Variants in PCDHAC2 observed in about 807,000 individuals in gnomAD.
PCDHAC2 encodes protocadherin alpha-C2.
Under a neutral mutation model 63.3 loss-of-function variants are expected in PCDHAC2, and 24 were observed. That is an observed-to-expected ratio of 0.38 (90% CI 0.27 to 0.53). PCDHAC2 has a LOEUF of 0.53. PCDHAC2 is among the 20% of genes least tolerant of loss of function. The pLI is 0.81. For synonymous variants in PCDHAC2, 569 were observed against 529.4 expected, an observed-to-expected ratio of 1.07 and a Z score of -1.03; for missense variants, 1,181 against 1,275.2, an observed-to-expected ratio of 0.93 and a Z score of 1.12.
chr5:140,988,268 G>A (rs1463795699), intron 3 of PCDHAC2, among the ~76,000 whole-genome samples: 3 of 152,160 alleles, frequency 2.0e-5, no homozygotes, highest in Non-Finnish European at 4.4e-5. Context: ...AGTATCCTTC[G>A]CTGTCACCTG....
intron 1 of PCDHAC2, among the ~76,000 whole-genome samples, chr5:140,977,512 G>GAAACTTGA: frequency 3.9e-5 from 6 of 152,278 alleles, no homozygotes; most frequent in Admixed American, 3.9e-4. Context: ...AGCATTTTGT[G>GAAACTTGA]AACTTGAAAA....
chr5:140,997,334 C>G (rs2097767888), intron 3 of PCDHAC2, among the ~76,000 whole-genome samples: 3 of 152,098 alleles, frequency 2.0e-5, no homozygotes, highest in Admixed American at 2.0e-4. Flanking sequence ...TTTCGTTGTA[C>G]AAATATCATA....
chr5:140,977,841 A>G lies in PCDHAC2; in HGVS notation c.2566-1108A>G, dbSNP rs76111417. On this transcript the variant is annotated intron_variant, in intron 1 of 3. Transcript: ENST00000289269. The stretch of plus-strand genomic sequence containing the variant: ...TTTTGAATGGTCTATTGATATTACT[A>G]TGGCTTTGTTTCTACCAAATATGGT... Among the ~76,000 whole-genome samples the G allele has an allele frequency of 8.3e-3, 1,257 of 152,348 alleles. 23 individuals carry two copies. Among genetic ancestry groups the G allele is most frequent in the African/African-American group, 0.028 (1,184 of 41,574 alleles).
chr5:141,000,015 G>A (rs960608216), intron 3 of PCDHAC2, among the ~76,000 whole-genome samples: 8 of 151,984 alleles, frequency 5.3e-5, no homozygotes, highest in Non-Finnish European at 5.9e-5. Flanking sequence ...CCTCCCCATT[G>A]CTAAGCCTGA....
chr5:141,007,079 TAGAGA>T (rs1308407580), intron 3 of PCDHAC2, among the ~76,000 whole-genome samples: 1 of 151,804 alleles, frequency 6.6e-6, no homozygotes, highest in African/African-American at 2.4e-5. Flanking sequence ...GAAGAGAAAA[TAGAGA>T]AGAGAGTCTA....
intron 3 of PCDHAC2, among the ~76,000 whole-genome samples, chr5:140,998,381 G>A (rs932010146): frequency 4.6e-5 from 7 of 152,144 alleles, no homozygotes; most frequent in Non-Finnish European, 2.9e-5. Flanking sequence ...TCTCTAGAAA[G>A]TTTAATGCCA....
intron 3 of PCDHAC2, among the ~76,000 whole-genome samples, chr5:140,983,637 T>G (rs1306208906): frequency 6.6e-6 from 1 of 152,232 alleles, no homozygotes; most frequent in Non-Finnish European, 1.5e-5. Context: ...TGTACCCAAG[T>G]TCACGTAGCT....
In PCDHAC2 at chr5:140,967,952, C is replaced by T. The variant is rs562783714; in HGVS notation, c.1186C>T (p.Pro396Ser). ...VLSVNDQDSG[P>S]NRKVSLGLEA... ...CAGTGTCAATGACCAAGACTCAGGC[C>T]CCAACCGGAAAGTGAGCCTGGGTCT... is the stretch of plus-strand genomic sequence containing the variant. Residue 396 changes from proline to serine, a missense_variant, in exon 1 of 4, where the codon CCC (proline) becomes TCC (serine). This residue lies in a region of PCDHAC2 where 968 missense variants were observed against 1,073.5 expected (regional missense o/e 0.90). Coordinates refer to ENST00000289269, the MANE Select transcript of PCDHAC2 (RefSeq NM_018899.6). The T allele has an allele frequency of 3.1e-6, 5 of 1,614,176 alleles. No individual in the cohort carries two copies. In the African/African-American group the frequency reaches 6.7e-5, roughly 22 times the overall value.
intron 3 of PCDHAC2, among the ~76,000 whole-genome samples, chr5:141,000,228 G>C (rs994042672): frequency 3.3e-5 from 5 of 151,306 alleles, no homozygotes; most frequent in Non-Finnish European, 2.9e-5. Context: ...CCTGTGTGGA[G>C]CTGAATGTGG....
At position 141,012,270 on chromosome 5, in the gene PCDHAC2, G is replaced by A. The variant is rs782033901; in HGVS notation, c.*2333G>A. On this transcript the variant is annotated 3_prime_UTR_variant, in exon 4 of 4. Coordinates refer to ENST00000289269, the MANE Select transcript of PCDHAC2 (RefSeq NM_018899.6). ...TATTACAGCTGTAAGGATAAAACAC[G>A]TCATGTGGATTCATTTTGAATTGGT... is the stretch of plus-strand genomic sequence containing the variant. 4 of 153,734 alleles carry A rather than the reference G, an allele frequency of 2.6e-5. No individual in the cohort carries two copies. The highest frequency in any genetic ancestry group is 5.9e-5 in the Non-Finnish European group (4 of 68,028). 9.5% of individuals were successfully genotyped at this position (153,734 alleles called of 1,614,324 possible).
At chr5:141,001,705 G>A (rs2098033380) in intron 3 of PCDHAC2, among the ~76,000 whole-genome samples, 1 of 152,194 alleles carries the variant, frequency 6.6e-6, no homozygotes, top group African/African-American at 2.4e-5. Context: ...GAAATAGGGG[G>A]CGGGGAAGGA....
chr5:140,974,709 C>T (rs1385583490), intron 1 of PCDHAC2, among the ~76,000 whole-genome samples: 1 of 152,092 alleles, frequency 6.6e-6, no homozygotes, highest in Non-Finnish European at 1.5e-5. Flanking sequence ...CCATGTTGTT[C>T]AAGCTGCTCT....
chr5:140,970,078 A>G (rs1260486106), intron 1 of PCDHAC2, among the ~76,000 whole-genome samples: 2 of 152,124 alleles, frequency 1.3e-5, no homozygotes, highest in African/African-American at 4.8e-5. Context: ...TGAGTGGATT[A>G]GGGGTGTGGG....
At chr5:140,997,504 C>T (rs2097772452) in intron 3 of PCDHAC2, among the ~76,000 whole-genome samples, 1 of 152,042 alleles carries the variant, frequency 6.6e-6, no homozygotes, top group South Asian at 2.1e-4. Flanking sequence ...TCTCAACATA[C>T]CTAAACGCAG....
intron 3 of PCDHAC2, among the ~76,000 whole-genome samples, chr5:140,994,339 A>T (rs1279466681): frequency 6.6e-6 from 1 of 152,146 alleles, no homozygotes; most frequent in Non-Finnish European, 1.5e-5. Context: ...TGAACAGTGG[A>T]TGTTGTGGGA....
At chr5:141,004,362 C>T (rs1357216048) in intron 3 of PCDHAC2, among the ~76,000 whole-genome samples, 1 of 152,186 alleles carries the variant, frequency 6.6e-6, no homozygotes, top group Non-Finnish European at 1.5e-5. Flanking sequence ...AGAGACCACA[C>T]CTTGTTCTGC....
At position 140,967,380 on chromosome 5, in the gene PCDHAC2, A is replaced by C; in HGVS notation, c.614A>C (p.Lys205Thr). 1.9e-6 allele frequency: 3 copies of C among 1,608,302 alleles called. No individual in the cohort carries two copies. Among genetic ancestry groups the C allele is most frequent in the Non-Finnish European group, 2.6e-6 (3 of 1,175,788 alleles). ...LDLKPLQENS[K>T]VLELVLRKGL... ...CTTAAGCCCCTGCAGGAGAACAGTA[A>C]AGTGCTTGAGCTGGTGCTGCGTAAG... The change falls in exon 1 of 4, where the codon AAA (lysine) becomes ACA (threonine). Residue 205 changes from lysine to threonine, a missense_variant. Transcript: ENST00000289269.
Position 140,966,702 on chromosome 5 carries a change from G to A in PCDHAC2, c.-65G>A, listed in dbSNP as rs2153748522. On this transcript the variant is annotated 5_prime_UTR_variant, in exon 1 of 4. Transcript: ENST00000289269. Reference sequence around the variant, plus strand: ...ACGAGCGGAGGCGGGGCCCGGGCGTGGGGCACGGCTGGGGAAGCTGCCGCC... The same window carrying A: ...ACGAGCGGAGGCGGGGCCCGGGCGTAGGGCACGGCTGGGGAAGCTGCCGCC... 3.7e-6 allele frequency: 5 copies of A among 1,367,880 alleles called. No homozygotes were observed. The South Asian group carries it at 6.9e-5, about 19-fold the overall frequency. 84.7% of individuals were successfully genotyped at this position (1,367,880 alleles called of 1,614,324 possible).
chr5:141,008,766 A>G (rs2098390228), intron 3 of PCDHAC2, among the ~76,000 whole-genome samples: 1 of 152,246 alleles, frequency 6.6e-6, no homozygotes, highest in Non-Finnish European at 1.5e-5. Context: ...TTTGGCTTGG[A>G]AAGTAAAATT....
Sources: allele counts gnomAD v4.1 joint callset (sites outside exome capture counted in the v4.1 genomes callset), GRCh38; gene constraint gnomAD v4.1.1; regional missense constraint gnomAD v4.1.1; transcripts MANE v1.5; gene names NCBI Gene and HGNC (gene_info 2026-07-23, HGNC 2026-07-21).